Variants in SIN3A observed in about 807,000 individuals in gnomAD.
SIN3A encodes SIN3 transcription regulator family member A, also known as paired amphipathic helix protein Sin3a.
In SIN3A, 14 loss-of-function variants were observed where a neutral mutation model predicts 146.1. The observed-to-expected ratio is 0.10, with a 90% CI of 0.06 to 0.15. SIN3A has a LOEUF of 0.15. Among genes scored for constraint, SIN3A ranks in the 10% least tolerant of loss-of-function variants. The probability of loss-of-function intolerance (pLI) is 1.00; values close to 1 mark genes in which losing one functional copy is unlikely to be tolerated. For synonymous variants in SIN3A, 572 were observed against 572.0 expected, an observed-to-expected ratio of 1.00 and a Z score of 0.00; for missense variants, 1,028 against 1,576.0, an observed-to-expected ratio of 0.65 and a Z score of 5.89.
chr15:75,377,634 A>G lies in SIN3A; in HGVS notation c.3384-1762T>C, dbSNP rs886329544. On this transcript the variant is annotated intron_variant, in intron 19 of 20. Transcript: ENST00000394947. ...AGTGAGACTCTGCCTCAAAAAAAAA[A>G]AAAGAAAAAAAAAGTTTCTGATGAA... Among the ~76,000 whole-genome samples the G allele has an allele frequency of 2.6e-5, 4 of 152,118 alleles. No homozygotes were observed. In the South Asian group the frequency reaches 8.3e-4, roughly 32 times the overall value.
In SIN3A at chr15:75,398,720, GC is replaced by G. The variant is rs2073349638; in HGVS notation, c.1854+1319del. 2.7e-5 allele frequency among the ~76,000 whole-genome samples: 4 copies of G among 150,224 alleles called. No individual in the cohort carries two copies. In the South Asian group the frequency reaches 8.5e-4, roughly 32 times the overall value. Reference sequence around the variant, plus strand: ...CTAATTTAGCCTTCTTTCAAAAGGAGCCAATCAGGCCAGGTATGGTGGCTCA... The same window carrying G: ...CTAATTTAGCCTTCTTTCAAAAGGAGCAATCAGGCCAGGTATGGTGGCTCA... On this transcript the variant is annotated intron_variant, in intron 12 of 20. Transcript: ENST00000394947.
intron 1 of SIN3A, among the ~76,000 whole-genome samples, chr15:75,435,162 C>A (rs951955208): frequency 3.3e-5 from 5 of 151,808 alleles, no homozygotes; most frequent in African/African-American, 1.2e-4. Flanking sequence ...AGTTTATCCA[C>A]GAGTATAAGA....
At chr15:75,391,819 G>A (rs1304606045) in intron 15 of SIN3A, among the ~76,000 whole-genome samples, 3 of 152,030 alleles carry the variant, frequency 2.0e-5, no homozygotes, top group East Asian at 1.9e-4. Context: ...AACCCCACTG[G>A]TTAAACAGAA....
intron 5 of SIN3A, 67 bp downstream of exon 5, chr15:75,412,696 G>A (rs1204786659): frequency 5.7e-6 from 8 of 1,410,496 alleles, no homozygotes; most frequent in South Asian, 1.5e-5. Flanking sequence ...ATATAAAGGG[G>A]AAACATCAAA....
At chr15:75,454,375 C>G (rs2074457341), upstream of SIN3A, among the ~76,000 whole-genome samples, 1 of 152,180 alleles carries the variant, frequency 6.6e-6, no homozygotes, top group African/African-American at 2.4e-5. Flanking sequence ...GCGGGTTGCA[C>G]AAGCCGCCGG....
intron 1 of SIN3A, among the ~76,000 whole-genome samples, chr15:75,442,826 G>A (rs1013302324): frequency 2.6e-5 from 4 of 151,426 alleles, no homozygotes; most frequent in Non-Finnish European, 5.9e-5. Context: ...CAGCTACTTG[G>A]GAGGCTAAGG....
At position 75,451,568 on chromosome 15, in the gene SIN3A, C is replaced by T. The variant is rs2074410662; in HGVS notation, c.-179G>A. The T allele has an allele frequency of 7.0e-6, 1 of 142,382 alleles. No individual in the cohort carries two copies. Among genetic ancestry groups the T allele is most frequent in the African/African-American group, 2.6e-5 (1 of 38,668 alleles). 8.8% of individuals were successfully genotyped at this position (142,382 alleles called of 1,614,324 possible). A position where few individuals can be genotyped will look rare whatever the true frequency, so the allele number is the denominator to read the frequency against. ...TCTCCACTAACGAAGCGGTCACAGG[C>T]TCCGGTGCCCAGACTGGGAAGGAGG... On this transcript the variant is annotated 5_prime_UTR_variant, in exon 1 of 21. Coordinates refer to ENST00000394947, the MANE Select transcript of SIN3A (RefSeq NM_001145358.2).
At chr15:75,446,031 C>T (rs2074300879) in intron 1 of SIN3A, among the ~76,000 whole-genome samples, 1 of 152,172 alleles carries the variant, frequency 6.6e-6, no homozygotes, top group Admixed American at 6.5e-5. Context: ...CTACTGAGCA[C>T]ATACTATGCA....
At chr15:75,378,610 T>C (rs1369780105) in intron 19 of SIN3A, among the ~76,000 whole-genome samples, 1 of 152,146 alleles carries the variant, frequency 6.6e-6, no homozygotes, top group Non-Finnish European at 1.5e-5. Flanking sequence ...AGTTTTGTTG[T>C]CATATCAAAG....
chr15:75,409,054 A>T (rs1046749139), intron 8 of SIN3A, among the ~76,000 whole-genome samples: 10 of 152,120 alleles, frequency 6.6e-5, no homozygotes, highest in Non-Finnish European at 1.2e-4. Context: ...AAATGCAAAA[A>T]TTAGCTGGGC....
At chr15:75,436,730 G>GA (rs983631829) in intron 1 of SIN3A, among the ~76,000 whole-genome samples, 6 of 150,206 alleles carry the variant, frequency 4.0e-5, no homozygotes, top group Non-Finnish European at 5.9e-5. Context: ...TAAAGTCTTG[G>GA]AAAAAAACAT....
At chr15:75,434,194 A>G (rs1413547974) in intron 1 of SIN3A, among the ~76,000 whole-genome samples, 2 of 152,114 alleles carry the variant, frequency 1.3e-5, no homozygotes, top group Non-Finnish European at 2.9e-5. Flanking sequence ...CCTTTCACAC[A>G]CTTAGCTAAC....
intron 2 of SIN3A, chr15:75,429,966 G>A: frequency 2.1e-6 from 1 of 475,786 alleles, no homozygotes; most frequent in Non-Finnish European, 3.7e-6. Context: ...TGAAGGGAGG[G>A]AAAAGAAGGG....
intron 19 of SIN3A, among the ~76,000 whole-genome samples, chr15:75,377,492 G>A (rs769381038): frequency 4.5e-4 from 69 of 151,926 alleles, no homozygotes; most frequent in Non-Finnish European, 5.6e-4. Flanking sequence ...GGGAGTGGTG[G>A]CGCGCACCTG....
chr15:75,399,098 G>A (rs1028313587), intron 12 of SIN3A, among the ~76,000 whole-genome samples: 1 of 151,766 alleles, frequency 6.6e-6, no homozygotes, highest in Non-Finnish European at 1.5e-5. Flanking sequence ...GCCACTCGGT[G>A]GCGGGTAGGG....
chr15:75,428,244 G>A (rs534030275), intron 2 of SIN3A, among the ~76,000 whole-genome samples: 7 of 152,254 alleles, frequency 4.6e-5, no homozygotes, highest in Admixed American at 1.3e-4. Context: ...CTGCTGACTG[G>A]TTTCCAACAG....
chr15:75,441,936 C>T (rs573307305), intron 1 of SIN3A, among the ~76,000 whole-genome samples: 25 of 151,728 alleles, frequency 1.6e-4, no homozygotes, highest in Non-Finnish European at 2.8e-4. Flanking sequence ...CTGGCTAAAA[C>T]GGTGAAACCC....
intron 15 of SIN3A, among the ~76,000 whole-genome samples, chr15:75,390,173 C>A (rs1342095118): frequency 6.6e-6 from 1 of 152,196 alleles, no homozygotes; most frequent in African/African-American, 2.4e-5. Context: ...GAGGAACCTA[C>A]TCTCCCAGCC....
Position 75,407,892 on chromosome 15 carries a change from C to CAAAAAAAAAAA in SIN3A, c.1318-759_1318-749dup, listed in dbSNP as rs775913884. 8.1e-5 allele frequency among the ~76,000 whole-genome samples: 2 copies of CAAAAAAAAAAA among 24,654 alleles called. 1 individual carries two copies. Among genetic ancestry groups the CAAAAAAAAAAA allele is most frequent in the African/African-American group, 4.1e-4 (2 of 4,908 alleles). 16.2% of individuals were successfully genotyped at this position (24,654 alleles called of 152,430 possible). Reference sequence around the variant, plus strand: ...TGGGCAACAGAGTGAGACTCCATCTCAAAAAAAAAAAAAAAAAAAAAAAAA... The same window carrying CAAAAAAAAAAA: ...TGGGCAACAGAGTGAGACTCCATCTCAAAAAAAAAAAAAAAAAAAAAAAAAAAAAAAAAAAA... On this transcript the variant is annotated intron_variant, in intron 8 of 20. Coordinates refer to ENST00000394947, the MANE Select transcript of SIN3A (RefSeq NM_001145358.2).
Sources: gnomAD v4.1 joint callset for allele counts (sites outside exome capture counted in the v4.1 genomes callset) on GRCh38, gnomAD v4.1.1 for gene constraint, MANE v1.5 for transcripts, NCBI Gene and HGNC (gene_info 2026-07-23, HGNC 2026-07-21) for gene names.